Variants in PCDHB12 observed in about 807,000 individuals in gnomAD.
PCDHB12 encodes the protein protocadherin beta 12.
For synonymous variants in PCDHB12, 560 were observed against 445.2 expected (o/e 1.26, Z -3.24); for missense variants, 1,192 against 998.2 (o/e 1.19, Z -2.62).
At position 141,209,067 on chromosome 5, in the gene PCDHB12, C is replaced by G. The variant is rs781971006; in HGVS notation, c.160C>G (p.Leu54Val). 1 of 1,612,678 alleles carries G rather than the reference C, an allele frequency of 6.2e-7. No homozygotes were observed. Among genetic ancestry groups the G allele is most frequent in the East Asian group, 2.2e-5 (1 of 44,838 alleles). ...AGGAAATTTGGCAAAGACCCTGGGA[C>G]TCGAGGTGAGTGAGCTGTCTTCGCG... ...FVGNLAKTLG[L>V]EVSELSSRGA... Residue 54 changes from leucine to valine, a missense_variant, in exon 1 of 1, where the codon CTC (leucine) becomes GTC (valine). Transcript: ENST00000239450.
In PCDHB12 at chr5:141,211,551, GAT is replaced by G; in HGVS notation, c.*259_*260del. On this transcript the variant is annotated 3_prime_UTR_variant, in exon 1 of 1. Coordinates refer to ENST00000239450, the MANE Select transcript of PCDHB12 (RefSeq NM_018932.4). Reference sequence around the variant, plus strand: ...CTATTAAGTGGTAAGTCTTGTTTGAGATATTTTAAATTGCTTTCCATTGTTTT... The same window carrying G: ...CTATTAAGTGGTAAGTCTTGTTTGAGATTTTAAATTGCTTTCCATTGTTTT... 2 of 505,572 alleles carry G rather than the reference GAT, an allele frequency of 4.0e-6. No homozygotes were observed. Among genetic ancestry groups the G allele is most frequent in the Non-Finnish European group, 7.2e-6 (2 of 277,596 alleles). The allele number at this position is 505,572 out of a possible 1,614,324, so 31.3% of individuals were successfully genotyped here. A position where few individuals can be genotyped will look rare whatever the true frequency, so the allele number is the denominator to read the frequency against.
In PCDHB12 at chr5:141,209,153, G is replaced by T. The variant is rs781969581; in HGVS notation, c.246G>T (p.Gly82=). ...GTTTGCAGCTGGACACAAACACTGG[G>T]GATTTGCTCCTGAGAGAAATGCTAG... The part of the protein sequence containing the change: ...KECLQLDTNT[G]DLLLREMLDR... The change falls in exon 1 of 1, where the codon GGG becomes GGT. Residue 82 remains glycine (G), a synonymous_variant. Transcript: ENST00000239450. 6 of 1,614,124 alleles carry T rather than the reference G, an allele frequency of 3.7e-6. No individual in the cohort carries two copies. The South Asian group carries it at 5.5e-5, about 15-fold the overall frequency.
At position 141,211,332 on chromosome 5, in the gene PCDHB12, A is replaced by G. The variant is rs781827899; in HGVS notation, c.*37A>G. 3.2e-6 allele frequency: 5 copies of G among 1,551,902 alleles called. No homozygotes were observed. In the East Asian group the frequency reaches 6.7e-5, roughly 21 times the overall value. ...AAATAAAACCTGTGTTTATGAATAC[A>G]TTTATAATTAGGAACTTATCGTGAG... On this transcript the variant is annotated 3_prime_UTR_variant, in exon 1 of 1. Transcript: ENST00000239450.
In PCDHB12 at chr5:141,211,402, TCA is replaced by T. The variant is rs781938826; in HGVS notation, c.*108_*109del. The T allele has an allele frequency of 9.0e-7, 1 of 1,106,100 alleles. No homozygotes were observed. Among genetic ancestry groups the T allele is most frequent in the South Asian group, 1.4e-5 (1 of 70,574 alleles). 68.5% of individuals were successfully genotyped at this position (1,106,100 alleles called of 1,614,324 possible). ...TTTGATCACTTCAAATACATACTCT[TCA>T]AGTCAAGAAATAAATTTCTTTACAT... On this transcript the variant is annotated 3_prime_UTR_variant, in exon 1 of 1. Coordinates refer to ENST00000239450, the MANE Select transcript of PCDHB12 (RefSeq NM_018932.4).
rs1754451642 is a variant in PCDHB12, at chr5:141,211,139, C to T, written c.2232C>T (p.Thr744=). ...TGGTGGACGTGAGTGGCACCGGGACCCTGTCCCAGAGCTACCACTATGAGG... is the reference window on the plus strand; with the variant it reads ...TGGTGGACGTGAGTGGCACCGGGACTCTGTCCCAGAGCTACCACTATGAGG... The part of the protein sequence containing the change: ...GHLVDVSGTG[T]LSQSYHYEVC... The change falls in exon 1 of 1, where the codon ACC becomes ACT. Residue 744 remains threonine, a synonymous_variant. Transcript: ENST00000239450. 2 of 1,614,148 alleles carry T rather than the reference C, an allele frequency of 1.2e-6. No individual in the cohort carries two copies. Among genetic ancestry groups the T allele is most frequent in the Non-Finnish European group, 8.5e-7 (1 of 1,180,034 alleles).
chr5:141,211,157 C>G lies in PCDHB12; in HGVS notation c.2250C>G (p.His750Gln). Residue 750 changes from histidine (H) to glutamine (Q), a missense_variant, in exon 1 of 1, where the codon CAC becomes CAG. His to Gln is a conservative substitution (Grantham distance 24, BLOSUM62 0). Coordinates refer to ENST00000239450, the MANE Select transcript of PCDHB12 (RefSeq NM_018932.4). ...SGTGTLSQSYHYEVCVTGGSR... is the reference protein window; with the variant it reads ...SGTGTLSQSYQYEVCVTGGSR... The stretch of plus-strand genomic sequence containing the variant: ...CCGGGACCCTGTCCCAGAGCTACCA[C>G]TATGAGGTGTGTGTGACTGGAGGCT... The G allele has an allele frequency of 6.2e-7, 1 of 1,614,184 alleles. No homozygotes were observed. Among genetic ancestry groups the G allele is most frequent in the Non-Finnish European group, 8.5e-7 (1 of 1,180,020 alleles).
Position 141,208,830 on chromosome 5 carries a change from A to G in PCDHB12, c.-78A>G, listed in dbSNP as rs1554286549. ...CTTCCGAGGATTTGGTAGACAGATCAGAGGCACGTTTCCCACAACTGCGAA... is the reference window on the plus strand; with the variant it reads ...CTTCCGAGGATTTGGTAGACAGATCGGAGGCACGTTTCCCACAACTGCGAA... On this transcript the variant is annotated 5_prime_UTR_variant, in exon 1 of 1. Transcript: ENST00000239450. 7.8e-7 allele frequency: 1 copy of G among 1,290,236 alleles called. No individual in the cohort carries two copies. The highest frequency in any genetic ancestry group is 1.5e-5 in the African/African-American group (1 of 67,276). 79.9% of individuals were successfully genotyped at this position (1,290,236 alleles called of 1,614,324 possible).
rs1554286580 is a variant in PCDHB12 at position 141,209,074 on chromosome 5, T to A, written c.167T>A (p.Val56Glu). The A allele has an allele frequency of 2.5e-6, 4 of 1,612,462 alleles. No individual in the cohort carries two copies. In the Admixed American group the frequency reaches 6.7e-5, roughly 27 times the overall value. Reference protein sequence around the residue: ...GNLAKTLGLEVSELSSRGARV... With the variant: ...GNLAKTLGLEESELSSRGARV... ...TTGGCAAAGACCCTGGGACTCGAGGTGAGTGAGCTGTCTTCGCGGGGGGCT... is the reference window on the plus strand; with the variant it reads ...TTGGCAAAGACCCTGGGACTCGAGGAGAGTGAGCTGTCTTCGCGGGGGGCT... Residue 56 changes from valine (V) to glutamate (E), a missense_variant, in exon 1 of 1, where the codon GTG (valine) becomes GAG (glutamate). Coordinates refer to ENST00000239450, the MANE Select transcript of PCDHB12 (RefSeq NM_018932.4).
Position 141,211,025 on chromosome 5 carries a change from C to T in PCDHB12, c.2118C>T (p.Leu706=), listed in dbSNP as rs781863696. Residue 706 remains leucine (L), a synonymous_variant, in exon 1 of 1, where the codon CTC becomes CTT. Transcript: ENST00000239450. ...SVSSLFLFSV[L]LFVAVRLCRR... The stretch of plus-strand genomic sequence containing the variant: ...CGTCGCTCTTCCTCTTCTCGGTGCT[C>T]CTGTTCGTGGCGGTGCGGCTGTGCA... The T allele has an allele frequency of 6.2e-7, 1 of 1,612,214 alleles. No individual in the cohort carries two copies. Among genetic ancestry groups the T allele is most frequent in the African/African-American group, 1.3e-5 (1 of 74,902 alleles).
Position 141,211,720 on chromosome 5 carries a change from A to G in PCDHB12, c.*425A>G, listed in dbSNP as rs1754466845. The G allele has an allele frequency of 4.5e-6, 1 of 219,784 alleles. No homozygotes were observed. The highest frequency in any genetic ancestry group is 1.0e-5 in the Non-Finnish European group (1 of 99,934). The allele number at this position is 219,784 out of a possible 1,614,324, so 13.6% of individuals were successfully genotyped here. A position where few individuals can be genotyped will look rare whatever the true frequency, so the allele number is the denominator to read the frequency against. ...AAAGTTGTTTTATGAATCATACACT[A>G]TTTTCACACTTTTAATCTCAGAAGA... is the stretch of plus-strand genomic sequence containing the variant. On this transcript the variant is annotated 3_prime_UTR_variant, in exon 1 of 1. Coordinates refer to ENST00000239450, the MANE Select transcript of PCDHB12 (RefSeq NM_018932.4).
chr5:141,210,986 G>C lies in PCDHB12; in HGVS notation c.2079G>C (p.Ala693=). The change falls in exon 1 of 1, where the codon GCG becomes GCC. Residue 693 remains alanine (A), a synonymous_variant. Transcript: ENST00000239450. The part of the protein sequence containing the change: ...ADSLTVYLVV[A]LASVSSLFLF... ...CGCTCACTGTCTACCTGGTGGTGGC[G>C]TTGGCCTCAGTGTCGTCGCTCTTCC... 3 of 1,611,726 alleles carry C rather than the reference G, an allele frequency of 1.9e-6. No homozygotes were observed. The highest frequency in any genetic ancestry group is 1.7e-6 in the Non-Finnish European group (2 of 1,179,836).
Position 141,210,818 on chromosome 5 carries a change from G to A in PCDHB12, c.1911G>A (p.Lys637=), listed in dbSNP as rs1754435807. 6.2e-7 allele frequency: 1 copy of A among 1,600,772 alleles called. No homozygotes were observed. Among genetic ancestry groups the A allele is most frequent in the Non-Finnish European group, 8.5e-7 (1 of 1,178,574 alleles). The change falls in exon 1 of 1, where the codon AAG becomes AAA. Residue 637 remains lysine (K), a synonymous_variant. Coordinates refer to ENST00000239450, the MANE Select transcript of PCDHB12 (RefSeq NM_018932.4). ...TGCTGAGCGAGCGCGACGCGGCCAA[G>A]CACAGGCTGGTGGTGCTGGTCAAGG... ...ARLLSERDAA[K]HRLVVLVKDN... is the part of the protein sequence containing the mutation.
In PCDHB12 at chr5:141,211,410, A is replaced by T. The variant is rs782684354; in HGVS notation, c.*115A>T. On this transcript the variant is annotated 3_prime_UTR_variant, in exon 1 of 1. Transcript: ENST00000239450. ...CTTCAAATACATACTCTTCAAGTCA[A>T]GAAATAAATTTCTTTACATAGAAAA... 1 of 1,080,838 alleles carries T rather than the reference A, an allele frequency of 9.3e-7. No homozygotes were observed. The highest frequency in any genetic ancestry group is 1.4e-5 in the South Asian group (1 of 70,110). The allele number at this position is 1,080,838 out of a possible 1,614,324, so 67.0% of individuals were successfully genotyped here.
rs782436420 is a variant in PCDHB12 at position 141,210,869 on chromosome 5, C to T, written c.1962C>T (p.Ala654=). The change falls in exon 1 of 1, where the codon GCC becomes GCT. Residue 654 remains alanine (A), a synonymous_variant. Transcript: ENST00000239450. ...ACAATGGCGAGCCTCCGCGCTCGGC[C>T]ACCGCCACGCTGCACGTGCTCCTGG... ...VKDNGEPPRS[A]TATLHVLLVD... 4 of 1,604,634 alleles carry T rather than the reference C, an allele frequency of 2.5e-6. No individual in the cohort carries two copies. The African/African-American group carries it at 4.0e-5, about 16-fold the overall frequency.
At position 141,211,383 on chromosome 5, in the gene PCDHB12, C is replaced by T. The variant is rs1754459122; in HGVS notation, c.*88C>T. On this transcript the variant is annotated 3_prime_UTR_variant, in exon 1 of 1. Transcript: ENST00000239450. ...GTGCCTGTAAAGTAGTATTTTTGAT[C>T]ACTTCAAATACATACTCTTCAAGTC... is the stretch of plus-strand genomic sequence containing the variant. 1 of 1,235,044 alleles carries T rather than the reference C, an allele frequency of 8.1e-7. No individual in the cohort carries two copies. Among genetic ancestry groups the T allele is most frequent in the Admixed American group, 2.3e-5 (1 of 43,612 alleles). 76.5% of individuals were successfully genotyped at this position (1,235,044 alleles called of 1,614,324 possible). A position where few individuals can be genotyped will look rare whatever the true frequency, so the allele number is the denominator to read the frequency against.
Position 141,209,520 on chromosome 5 carries a change from C to A in PCDHB12, c.613C>A (p.Arg205Ser). 2 of 1,614,164 alleles carry A rather than the reference C, an allele frequency of 1.2e-6. No homozygotes were observed. Among genetic ancestry groups the A allele is most frequent in the Non-Finnish European group, 8.5e-7 (1 of 1,180,044 alleles). Residue 205 changes from arginine (R) to serine (S), a missense_variant, in exon 1 of 1, where the codon CGC (arginine) becomes AGC (serine). Coordinates refer to ENST00000239450, the MANE Select transcript of PCDHB12 (RefSeq NM_018932.4). The stretch of plus-strand genomic sequence containing the variant: ...GGACAAGGCGCTGGATTATGAAGAG[C>A]GCCCGGAGCTCAGTTTCATCCTCAC... ...VLDKALDYEE[R>S]PELSFILTAL...
chr5:141,209,143 C>G lies in PCDHB12; in HGVS notation c.236C>G (p.Thr79Arg), dbSNP rs533812295. The G allele has an allele frequency of 6.2e-7, 1 of 1,614,102 alleles. No homozygotes were observed. Among genetic ancestry groups the G allele is most frequent in the Non-Finnish European group, 8.5e-7 (1 of 1,180,032 alleles). ...AACAAAGAGTGTTTGCAGCTGGACA[C>G]AAACACTGGGGATTTGCTCCTGAGA... ...NDNKECLQLD[T>R]NTGDLLLREM... Residue 79 changes from threonine to arginine, a missense_variant, in exon 1 of 1, where the codon ACA (threonine) becomes AGA (arginine). Coordinates refer to ENST00000239450, the MANE Select transcript of PCDHB12 (RefSeq NM_018932.4).
Position 141,211,058 on chromosome 5 carries a change from C to A in PCDHB12, c.2151C>A (p.Ser717Arg), listed in dbSNP as rs1754447011. 2.5e-6 allele frequency: 4 copies of A among 1,613,144 alleles called. No individual in the cohort carries two copies. The South Asian group carries it at 4.4e-5, about 18-fold the overall frequency. Residue 717 changes from serine to arginine, a missense_variant, in exon 1 of 1, where the codon AGC becomes AGA. Coordinates refer to ENST00000239450, the MANE Select transcript of PCDHB12 (RefSeq NM_018932.4). Reference sequence around the variant, plus strand: ...TGGCGGTGCGGCTGTGCAGGAGGAGCAGGGCGGCCCCGGTCGGTCGCTGCT... The same window carrying A: ...TGGCGGTGCGGCTGTGCAGGAGGAGAAGGGCGGCCCCGGTCGGTCGCTGCT... ...LFVAVRLCRR[S>R]RAAPVGRCSV... is the part of the protein sequence containing the mutation.
rs782109600 is a variant in PCDHB12, at chr5:141,209,499, A to T, written c.592A>T (p.Lys198Ter). The T allele has an allele frequency of 6.2e-7, 1 of 1,614,206 alleles. No individual in the cohort carries two copies. Among genetic ancestry groups the T allele is most frequent in the South Asian group, 1.1e-5 (1 of 91,084 alleles). ...GAAATACCCTGAGTTAGTTCTGGAC[A>T]AGGCGCTGGATTATGAAGAGCGCCC... ...NRKYPELVLD[K>*]ALDYEERPEL... is the part of the protein sequence containing the mutation. The change falls in exon 1 of 1, where the codon AAG (lysine) becomes TAG (stop). Residue 198 changes from lysine (K) to a stop codon, truncating the protein, a stop_gained. Coordinates refer to ENST00000239450, the MANE Select transcript of PCDHB12 (RefSeq NM_018932.4). LOFTEE classifies it low-confidence loss of function (END_TRUNC).
Sources: allele counts gnomAD v4.1 joint callset, GRCh38; gene constraint gnomAD v4.1.1; transcripts MANE v1.5; gene names NCBI Gene and HGNC (gene_info 2026-07-23, HGNC 2026-07-21).